MTREX: variants seen among roughly 807,000 people sequenced by gnomAD.
MTREX encodes the protein exosome RNA helicase MTR4.
A neutral mutation model predicts 135.4 loss-of-function variants in MTREX; 76 were observed. That is an observed-to-expected ratio of 0.56 (90% CI 0.47 to 0.68). The LOEUF (loss-of-function observed/expected upper bound fraction) is 0.68. MTREX is among the 30% of genes least tolerant of loss of function. MTREX has a pLI of 0.00. For synonymous variants in MTREX, 404 were observed against 401.6 expected, an observed-to-expected ratio of 1.01 and a Z score of -0.07; for missense variants, 920 against 1,262.1, an observed-to-expected ratio of 0.73 and a Z score of 4.11.
intron 5 of MTREX, among the ~76,000 whole-genome samples, chr5:55,331,441 TAGTC>T (rs1202410240): frequency 1.3e-5 from 2 of 152,208 alleles, no homozygotes; most frequent in East Asian, 1.9e-4. Flanking sequence ...CCCCACTACT[TAGTC>T]AGTATTCCAT....
intron 15 of MTREX, among the ~76,000 whole-genome samples, chr5:55,365,301 A>G (rs1750084054): frequency 6.6e-6 from 1 of 151,928 alleles, no homozygotes; most frequent in African/African-American, 2.4e-5. Flanking sequence ...TAACTTCACC[A>G]CTCCTTTTGG....
chr5:55,413,335 CAAA>C (rs34179127), intron 23 of MTREX, among the ~76,000 whole-genome samples: 8 of 84,458 alleles, frequency 9.5e-5, no homozygotes, highest in South Asian at 3.8e-4. Context: ...GACTCTGTCT[CAAA>C]AAAAAAAAAA....
At chr5:55,337,341 G>T (rs1356523889) in intron 5 of MTREX, among the ~76,000 whole-genome samples, 3 of 151,884 alleles carry the variant, frequency 2.0e-5, no homozygotes, top group Non-Finnish European at 2.9e-5. Context: ...TAGCGACAGG[G>T]TCTGTGTTGC....
chr5:55,374,119 G>A (rs1385682062), intron 16 of MTREX, among the ~76,000 whole-genome samples: 1 of 151,928 alleles, frequency 6.6e-6, no homozygotes, highest in South Asian at 2.1e-4. Context: ...TTAGCCACAT[G>A]TGGTGGCGCA....
chr5:55,343,031 T>G (rs1749676326), intron 7 of MTREX, among the ~76,000 whole-genome samples: 1 of 152,214 alleles, frequency 6.6e-6, no homozygotes, highest in Non-Finnish European at 1.5e-5. Flanking sequence ...GCAGTAGAAA[T>G]ACTGTTCCGC....
At chr5:55,395,659 G>C (rs1295132229) in intron 19 of MTREX, among the ~76,000 whole-genome samples, 1 of 152,152 alleles carries the variant, frequency 6.6e-6, no homozygotes, top group Non-Finnish European at 1.5e-5. Context: ...TGATCAAAGT[G>C]ATCAACATTA....
chr5:55,406,981 C>T (rs577937947), intron 22 of MTREX, among the ~76,000 whole-genome samples: 1 of 152,316 alleles, frequency 6.6e-6, no homozygotes, highest in South Asian at 2.1e-4. Flanking sequence ...AAGTCATAAA[C>T]TGGTAGCTCA....
intron 5 of MTREX, among the ~76,000 whole-genome samples, chr5:55,332,882 T>A (rs1170456556): frequency 6.6e-6 from 1 of 152,222 alleles, no homozygotes; most frequent in African/African-American, 2.4e-5. Context: ...ACAGGTTATC[T>A]TATCTATTAT....
chr5:55,347,387 A>G lies in MTREX; in HGVS notation c.1240+243A>G, dbSNP rs561580894. On this transcript the variant is annotated intron_variant, in intron 11 of 26. Coordinates refer to ENST00000230640, the MANE Select transcript of MTREX (RefSeq NM_015360.5). ...TTAAAATTTGGAGAACCCTATGAAA[A>G]ATATTAGAATCATGCCTTCTTATAC... 3.5e-4 allele frequency among the ~76,000 whole-genome samples: 53 copies of G among 152,250 alleles called. 1 individual carries two copies. In the Middle Eastern group the frequency reaches 0.01, roughly 29 times the overall value.
At chr5:55,407,063 A>G (rs1750819580) in intron 22 of MTREX, among the ~76,000 whole-genome samples, 1 of 152,246 alleles carries the variant, frequency 6.6e-6, no homozygotes, top group Non-Finnish European at 1.5e-5. Flanking sequence ...GTGAATATAT[A>G]AAAGACACTT....
intron 19 of MTREX, among the ~76,000 whole-genome samples, chr5:55,395,505 C>G (rs1750633260): frequency 6.6e-6 from 1 of 152,164 alleles, no homozygotes; most frequent in Non-Finnish European, 1.5e-5. Flanking sequence ...TCCGTGGATG[C>G]TGAAACTGGC....
Position 55,378,372 on chromosome 5 carries a change from G to A in MTREX, c.1869G>A (p.Val623=), listed in dbSNP as rs933566047. The A allele has an allele frequency of 6.2e-7, 1 of 1,610,046 alleles. No homozygotes were observed. Among genetic ancestry groups the A allele is most frequent in the Non-Finnish European group, 8.5e-7 (1 of 1,178,890 alleles). ...TAGTAATTCCCAATGAAGAAAGTGT[G>A]GTTATCTATTATAAGATTAGACAGC... is the stretch of plus-strand genomic sequence containing the variant. The part of the protein sequence containing the change: ...NKIVIPNEES[V]VIYYKIRQQL... Residue 623 remains valine (V), a synonymous_variant, in exon 17 of 27, where the codon GTG becomes GTA. Coordinates refer to ENST00000230640, the MANE Select transcript of MTREX (RefSeq NM_015360.5).
chr5:55,324,935 T>A (rs763177551), intron 3 of MTREX, among the ~76,000 whole-genome samples: 1 of 152,196 alleles, frequency 6.6e-6, no homozygotes, highest in Non-Finnish European at 1.5e-5. Flanking sequence ...AACAGTGCTA[T>A]TTTTGAAGGT....
chr5:55,418,502 TC>T (rs1389457951), intron 25 of MTREX, among the ~76,000 whole-genome samples: 2 of 150,060 alleles, frequency 1.3e-5, no homozygotes, highest in East Asian at 3.9e-4. Context: ...GTCTGTTCTG[TC>T]CTCTTTCAGT....
intron 15 of MTREX, among the ~76,000 whole-genome samples, chr5:55,365,244 A>T (rs1419038744): frequency 6.6e-6 from 1 of 152,168 alleles, no homozygotes; most frequent in African/African-American, 2.4e-5. Context: ...TATAAAGTAG[A>T]TGAAGTTCTT....
chr5:55,396,035 T>C (rs1175927650), intron 19 of MTREX, among the ~76,000 whole-genome samples: 1 of 152,234 alleles, frequency 6.6e-6, no homozygotes, highest in Non-Finnish European at 1.5e-5. Context: ...TTTTAATACT[T>C]GTACTTTATG....
At chr5:55,357,920 GGAGA>G (rs896010423) in intron 14 of MTREX, among the ~76,000 whole-genome samples, 1 of 152,096 alleles carries the variant, frequency 6.6e-6, no homozygotes, top group African/African-American at 2.4e-5. Context: ...CAAGAAAATA[GGAGA>G]GAATTTTGTT....
chr5:55,365,561 A>C (rs546841279), intron 15 of MTREX, among the ~76,000 whole-genome samples: 1 of 152,246 alleles, frequency 6.6e-6, no homozygotes, highest in South Asian at 2.1e-4. Flanking sequence ...GTATTTTGCT[A>C]TGCCATTTAG....
intron 1 of MTREX, among the ~76,000 whole-genome samples, chr5:55,320,651 G>GA (rs34205053): frequency 3.4e-4 from 52 of 152,074 alleles, no homozygotes; most frequent in Admixed American, 1.2e-3. Context: ...GTGTCCCTTA[G>GA]AAAAAATAAC....
Sources: allele counts gnomAD v4.1 joint callset (sites outside exome capture counted in the v4.1 genomes callset), GRCh38; gene constraint gnomAD v4.1.1; transcripts MANE v1.5; gene names NCBI Gene and HGNC (gene_info 2026-07-23, HGNC 2026-07-21).